Variants in EFCAB7 observed in about 807,000 individuals in gnomAD.
The protein encoded by EFCAB7 is EF-hand calcium-binding domain-containing protein 7.
EFCAB7 carries 66 observed loss-of-function variants against 77.1 expected under a neutral mutation model. That is an observed-to-expected ratio of 0.86 (90% CI 0.70 to 1.05). The LOEUF is 1.05. Ranked by LOEUF, EFCAB7 falls within the 50% of genes least tolerant of loss-of-function variation. The probability of loss-of-function intolerance (pLI) is 0.00; values close to 1 mark genes in which losing one functional copy is unlikely to be tolerated. For synonymous variants in EFCAB7, 225 were observed against 243.3 expected, an observed-to-expected ratio of 0.92 and a Z score of 0.70; for missense variants, 638 against 730.5, an observed-to-expected ratio of 0.87 and a Z score of 1.46.
At chr1:63,530,071 A>T (rs980387479) in intron 2 of EFCAB7, among the ~76,000 whole-genome samples, 2 of 152,186 alleles carry the variant, frequency 1.3e-5, no homozygotes, top group Non-Finnish European at 2.9e-5. Context: ...TTGGAACTAA[A>T]AAGTTTGTAT....
At chr1:63,577,887 G>A in the EFCAB7 span, among the ~76,000 whole-genome samples, 1 of 152,220 alleles carries the variant, frequency 6.6e-6, no homozygotes, top group African/African-American at 2.4e-5. Context: ...TTGGAGGACT[G>A]AAGGAATGAA....
At chr1:63,582,672 A>G in the EFCAB7 span, among the ~76,000 whole-genome samples, 4 of 152,196 alleles carry the variant, frequency 2.6e-5, no homozygotes, top group East Asian at 7.7e-4. Flanking sequence ...CAGTGGTGCC[A>G]TCTCAGCTCA....
At chr1:63,572,771 G>C (rs999791208), downstream of EFCAB7, 1 of 672,494 alleles carries the variant, frequency 1.5e-6, no homozygotes, top group African/African-American at 2.0e-5. Context: ...TTTCACCTGG[G>C]TGCAGGTGGG....
At chr1:63,541,782 T>C (rs564176618) in intron 6 of EFCAB7, among the ~76,000 whole-genome samples, 4 of 152,142 alleles carry the variant, frequency 2.6e-5, no homozygotes, top group African/African-American at 9.6e-5. Context: ...AGGCTGGTCT[T>C]GAACTCTTGA....
At chr1:63,573,242 G>A (rs569055361), downstream of EFCAB7, among the ~76,000 whole-genome samples, 62 of 152,244 alleles carry the variant, frequency 4.1e-4, no homozygotes, top group African/African-American at 1.3e-3. Flanking sequence ...TAGGGGTGGC[G>A]TGGGAACCTA....
chr1:63,524,125 G>A (rs1000507141), intron 1 of EFCAB7, among the ~76,000 whole-genome samples: 4 of 152,180 alleles, frequency 2.6e-5, no homozygotes, highest in Middle Eastern at 3.4e-3. Flanking sequence ...TTCTGCCTTG[G>A]GATTTCCATG....
the EFCAB7 span, among the ~76,000 whole-genome samples, chr1:63,579,133 C>A: frequency 6.6e-6 from 1 of 151,986 alleles, no homozygotes; most frequent in Non-Finnish European, 1.5e-5. Flanking sequence ...TGTATAGATT[C>A]ATATAACCAC....
In EFCAB7 at chr1:63,526,660, G is replaced by A. The variant is rs558046215; in HGVS notation, c.187+901G>A. Among the ~76,000 whole-genome samples the A allele has an allele frequency of 6.8e-4, 104 of 152,218 alleles. 1 individual carries two copies. The highest frequency in any genetic ancestry group is 2.4e-3 in the African/African-American group (98 of 41,534). On this transcript the variant is annotated intron_variant, in intron 2 of 13. Coordinates refer to ENST00000371088, the MANE Select transcript of EFCAB7 (RefSeq NM_032437.4). ...GCACATGACTGACTTTTAAAGTCAT[G>A]TTTAATTTTGATTTACATAATTTTA...
chr1:63,576,946 G>A (rs12240028), downstream of EFCAB7, among the ~76,000 whole-genome samples: 3,254 of 151,794 alleles, frequency 0.021, 123 homozygotes, highest in African/African-American at 0.074. Flanking sequence ...TCAGGAGTTC[G>A]AACCAGCCTG....
chr1:63,549,601 G>A (rs948098210), intron 7 of EFCAB7: 6 of 434,268 alleles, frequency 1.4e-5, no homozygotes, highest in African/African-American at 1.3e-4. Flanking sequence ...GACAGATTTG[G>A]CTCTAGTAAG....
intron 11 of EFCAB7, among the ~76,000 whole-genome samples, chr1:63,567,892 C>T (rs1226250142): frequency 6.6e-6 from 1 of 152,168 alleles, no homozygotes; most frequent in African/African-American, 2.4e-5. Flanking sequence ...AACGTTTAGT[C>T]AGTGCTCTGT....
At chr1:63,541,228 C>T (rs1646825221) in intron 6 of EFCAB7, among the ~76,000 whole-genome samples, 1 of 152,092 alleles carries the variant, frequency 6.6e-6, no homozygotes, top group Non-Finnish European at 1.5e-5. Context: ...ATAATGAATG[C>T]TTTATGTACC....
the EFCAB7 span, among the ~76,000 whole-genome samples, chr1:63,584,725 A>C: frequency 6.6e-6 from 1 of 152,234 alleles, no homozygotes; most frequent in Non-Finnish European, 1.5e-5. Flanking sequence ...ATGAACAGTA[A>C]ATATATGTTC....
intron 5 of EFCAB7, 31 bp from the exon 6 acceptor site, chr1:63,534,064 T>C (rs754525455): frequency 1.4e-5 from 22 of 1,611,484 alleles, no homozygotes; most frequent in African/African-American, 1.3e-5. Flanking sequence ...CTTTTCATAA[T>C]GTCAGACCAA....
At chr1:63,551,890 TG>T in intron 8 of EFCAB7, 56 bp downstream of exon 8, 1 of 1,117,378 alleles carries the variant, frequency 8.9e-7, no homozygotes, top group Non-Finnish European at 1.2e-6. Context: ...AACTGCAGTT[TG>T]GGGAAAGTAT....
chr1:63,554,676 CTG>C (rs1345521920), intron 8 of EFCAB7, among the ~76,000 whole-genome samples: 2 of 152,174 alleles, frequency 1.3e-5, no homozygotes, highest in African/African-American at 4.8e-5. Context: ...AAATGTTTTC[CTG>C]TACAAATGTT....
intron 11 of EFCAB7, among the ~76,000 whole-genome samples, chr1:63,568,018 A>G (rs1164714974): frequency 1.3e-5 from 2 of 152,178 alleles, no homozygotes; most frequent in African/African-American, 2.4e-5. Context: ...ATTTGTTAGC[A>G]TTGAACCAAA....
intron 6 of EFCAB7, among the ~76,000 whole-genome samples, chr1:63,545,020 G>T (rs1231741538): frequency 2.7e-5 from 4 of 149,964 alleles, no homozygotes; most frequent in African/African-American, 9.8e-5. Flanking sequence ...CCTGGTTCAA[G>T]TGATTCTCCT....
intron 6 of EFCAB7, among the ~76,000 whole-genome samples, chr1:63,544,416 G>A (rs1646870576): frequency 6.6e-6 from 1 of 151,218 alleles, no homozygotes; most frequent in Non-Finnish European, 1.5e-5. Context: ...CTGTAGCTGT[G>A]AAACTTCTTT....
Sources: gnomAD v4.1 joint callset for allele counts (sites outside exome capture counted in the v4.1 genomes callset) on GRCh38, gnomAD v4.1.1 for gene constraint, MANE v1.5 for transcripts, NCBI Gene and HGNC (gene_info 2026-07-23, HGNC 2026-07-21) for gene names.